Variants in AATF observed in about 807,000 individuals in gnomAD.
The protein encoded by AATF is protein AATF.
Under a neutral mutation model 63.7 loss-of-function variants are expected in AATF, and 48 were observed. The observed-to-expected ratio is 0.75, with a 90% CI of 0.60 to 0.96. The LOEUF (loss-of-function observed/expected upper bound fraction) is 0.96, where lower values mean the gene tolerates loss of function less well. AATF is among the 40% of genes least tolerant of loss of function. The pLI is 0.00. For synonymous variants in AATF, 258 were observed against 247.7 expected (o/e 1.04, Z -0.39); for missense variants, 639 against 685.7 (o/e 0.93, Z 0.76).
intron 4 of AATF, among the ~76,000 whole-genome samples, chr17:36,985,738 A>G (rs557741610): frequency 6.6e-6 from 1 of 151,544 alleles, no homozygotes; most frequent in South Asian, 2.1e-4. Flanking sequence ...TTTAGTAGAG[A>G]TGGGGTTTCA....
Position 37,021,799 on chromosome 17 carries a change from C to G in AATF, c.1547+785C>G, listed in dbSNP as rs566741653. Among the ~76,000 whole-genome samples, 16 of 72,890 alleles carry G rather than the reference C, an allele frequency of 2.2e-4. 6 individuals are homozygous for G. The African/African-American group carries it at 3.0e-3, about 14-fold the overall frequency. The allele number at this position is 72,890 out of a possible 152,430, so 47.8% of individuals were successfully genotyped here. On this transcript the variant is annotated intron_variant, in intron 10 of 11. Coordinates refer to ENST00000619387, the MANE Select transcript of AATF (RefSeq NM_012138.4). ...CAGCCTGGGCGACAGAGCGAGACTC[C>G]GTCTCAAAAAAAAAAAAAAAAATAA...
chr17:36,964,169 G>GT (rs2070971947), intron 4 of AATF, among the ~76,000 whole-genome samples: 1 of 132,630 alleles, frequency 7.5e-6, no homozygotes, highest in African/African-American at 2.8e-5. Flanking sequence ...GGGGTGTTTT[G>GT]CTTTTTTTTT....
intron 4 of AATF, among the ~76,000 whole-genome samples, chr17:36,962,565 A>ATT (rs796321224): frequency 0.027 from 3,880 of 145,544 alleles, 158 homozygotes; most frequent in African/African-American, 0.092. Flanking sequence ...ATCAGAAACA[A>ATT]TTTTTTTTTT....
chr17:37,031,888 GGTTT>G (rs1266740119), intron 11 of AATF, among the ~76,000 whole-genome samples: 4 of 152,166 alleles, frequency 2.6e-5, no homozygotes, highest in African/African-American at 9.7e-5. Context: ...TGCCTTTGGT[GGTTT>G]GTTTGTTTTT....
chr17:36,959,486 G>A (rs2070929197), intron 4 of AATF, among the ~76,000 whole-genome samples: 1 of 152,164 alleles, frequency 6.6e-6, no homozygotes, highest in Non-Finnish European at 1.5e-5. Context: ...GACTGATTTG[G>A]ATGGGTGGGA....
chr17:36,970,628 G>A (rs1053479075), intron 4 of AATF, among the ~76,000 whole-genome samples: 1 of 150,910 alleles, frequency 6.6e-6, no homozygotes, highest in African/African-American at 2.4e-5. Context: ...GCAGCACTGA[G>A]CTCCTGGCTC....
intron 8 of AATF, among the ~76,000 whole-genome samples, chr17:37,018,793 T>C (rs1277262568): frequency 6.6e-6 from 1 of 152,226 alleles, no homozygotes; most frequent in Non-Finnish European, 1.5e-5. Flanking sequence ...AATGGACTTC[T>C]GTTCTCAGCT....
chr17:36,973,714 A>T (rs934718742), intron 4 of AATF, among the ~76,000 whole-genome samples: 10 of 152,234 alleles, frequency 6.6e-5, no homozygotes, highest in African/African-American at 1.9e-4. Context: ...GGTGATAAAT[A>T]ATGTTTTTTT....
intron 8 of AATF, 52 bp downstream of exon 8, chr17:36,990,909 A>G (rs1400022530): frequency 7.5e-7 from 1 of 1,327,372 alleles, no homozygotes; most frequent in Non-Finnish European, 1.0e-6. Context: ...ATTTTAAAGC[A>G]GCTTATAGAA....
At chr17:36,952,294 A>G (rs2070861394) in intron 2 of AATF, among the ~76,000 whole-genome samples, 1 of 152,228 alleles carries the variant, frequency 6.6e-6, no homozygotes, top group Admixed American at 6.5e-5. Flanking sequence ...ACCTTGTAAT[A>G]TAATTATTGG....
intron 8 of AATF, among the ~76,000 whole-genome samples, chr17:37,012,054 G>C (rs1375080175): frequency 2.6e-5 from 4 of 151,522 alleles, no homozygotes; most frequent in Non-Finnish European, 5.9e-5. Flanking sequence ...ACTTCTTTTG[G>C]GGATAATTTT....
At chr17:37,043,519 G>C (rs1420777242) in intron 11 of AATF, among the ~76,000 whole-genome samples, 1 of 152,194 alleles carries the variant, frequency 6.6e-6, no homozygotes, top group East Asian at 1.9e-4. Flanking sequence ...ACAGTTCACA[G>C]ACACACTTAT....
chr17:36,982,408 C>T (rs1289146262), intron 4 of AATF, among the ~76,000 whole-genome samples: 1 of 152,040 alleles, frequency 6.6e-6, no homozygotes, highest in African/African-American at 2.4e-5. Context: ...GGCTGGAGTA[C>T]AGTGGTACAA....
chr17:36,962,213 G>A (rs1260281532), intron 4 of AATF, among the ~76,000 whole-genome samples: 2 of 152,184 alleles, frequency 1.3e-5, no homozygotes, highest in African/African-American at 4.8e-5. Flanking sequence ...CATATGCAGT[G>A]TTTTATCTAT....
intron 10 of AATF, among the ~76,000 whole-genome samples, chr17:37,024,019 T>G (rs2071492758): frequency 6.6e-6 from 1 of 152,204 alleles, no homozygotes; most frequent in Non-Finnish European, 1.5e-5. Flanking sequence ...CTACACTGTT[T>G]AGAATAATAA....
At chr17:36,994,341 G>A (rs2071237978) in intron 8 of AATF, among the ~76,000 whole-genome samples, 1 of 152,170 alleles carries the variant, frequency 6.6e-6, no homozygotes, top group Non-Finnish European at 1.5e-5. Context: ...AAAGTATTTT[G>A]TGTTAGAAAG....
rs71159677 is a variant in AATF, at chr17:37,001,395, A to AGGAGGGAG, written c.1398+10544_1398+10551dup. On this transcript the variant is annotated intron_variant, in intron 8 of 11. Coordinates refer to ENST00000619387, the MANE Select transcript of AATF (RefSeq NM_012138.4). ...GGGGAGAGAGAGAAAAAGGTATGGG[A>AGGAGGGAG]GGAGGGAGGGAGGAAGGAAGGAAGG... 7.8e-3 allele frequency among the ~76,000 whole-genome samples: 606 copies of AGGAGGGAG among 77,740 alleles called. 14 individuals carry two copies. Among genetic ancestry groups the AGGAGGGAG allele is most frequent in the Middle Eastern group, 0.03 (4 of 132 alleles). The allele number at this position is 77,740 out of a possible 152,430, so 51.0% of individuals were successfully genotyped here.
intron 8 of AATF, among the ~76,000 whole-genome samples, chr17:37,014,960 A>G (rs776942994): frequency 2.0e-5 from 3 of 152,174 alleles, no homozygotes; most frequent in Non-Finnish European, 2.9e-5. Flanking sequence ...GCTCTTATCA[A>G]AGTATACCCT....
chr17:37,013,968 G>A (rs1472750122), intron 8 of AATF, among the ~76,000 whole-genome samples: 2 of 151,914 alleles, frequency 1.3e-5, no homozygotes, highest in African/African-American at 2.4e-5. Flanking sequence ...CTCTTCTGGC[G>A]TGGCTGCACA....
Sources: allele counts gnomAD v4.1 joint callset (sites outside exome capture counted in the v4.1 genomes callset), GRCh38; gene constraint gnomAD v4.1.1; transcripts MANE v1.5; gene names NCBI Gene and HGNC (gene_info 2026-07-23, HGNC 2026-07-21).